Variants in ARHGAP42 observed in about 807,000 individuals in gnomAD.
ARHGAP42 encodes Rho GTPase activating protein 42, also known as rho GTPase-activating protein 42.
A neutral mutation model predicts 125.0 loss-of-function variants in ARHGAP42; 63 were observed. The observed-to-expected ratio is 0.50, with a 90% CI of 0.41 to 0.62. ARHGAP42 has a LOEUF of 0.62. Ranked by LOEUF, ARHGAP42 falls within the 20% of genes least tolerant of loss-of-function variation. ARHGAP42 has a pLI of 0.00. For synonymous variants in ARHGAP42, 339 were observed against 351.0 expected (o/e 0.97, Z 0.38); for missense variants, 766 against 1,024.2 (o/e 0.75, Z 3.44).
rs1297592160 is a variant in ARHGAP42 at position 100,690,772 on chromosome 11, A to AT, written c.154+2949dup. ...CCACCACACCTGGCTAATATTTTGT[A>AT]TTTTTTTTTAGTAGAGATGGGGTTT... On this transcript the variant is annotated intron_variant, in intron 1 of 23. Coordinates refer to ENST00000298815, the MANE Select transcript of ARHGAP42 (RefSeq NM_152432.4). Among the ~76,000 whole-genome samples, 90 of 149,612 alleles carry AT rather than the reference A, an allele frequency of 6.0e-4. 1 individual carries two copies. The highest frequency in any genetic ancestry group is 1.1e-3 in the South Asian group (5 of 4,708).
At position 100,974,585 on chromosome 11, in the gene ARHGAP42, T is replaced by C; in HGVS notation, c.1837T>C (p.Cys613Arg). 1 of 1,550,522 alleles carries C rather than the reference T, an allele frequency of 6.4e-7. No homozygotes were observed. Among genetic ancestry groups the C allele is most frequent in the East Asian group, 2.4e-5 (1 of 40,902 alleles). The change falls in exon 19 of 24, where the codon TGC becomes CGC. Residue 613 changes from cysteine (C) to arginine (R), a missense_variant. Around this residue, in one of 3 missense-constraint regions of ARHGAP42, gnomAD observed 308 missense variants for 369.7 expected, o/e 0.83. Coordinates refer to ENST00000298815, the MANE Select transcript of ARHGAP42 (RefSeq NM_152432.4). ...SRKPRGRYTP[C>R]LAEPDSDSYS... Reference sequence around the variant, plus strand: ...GAAGCCCAGAGGGAGGTATACTCCATGCCTGGCCGAACCTGATAGTAAGTG... The same window carrying C: ...GAAGCCCAGAGGGAGGTATACTCCACGCCTGGCCGAACCTGATAGTAAGTG...
Position 100,914,446 on chromosome 11 carries a change from C to A in ARHGAP42, c.486+893C>A, listed in dbSNP as rs73578172. Among the ~76,000 whole-genome samples, 1,407 of 151,760 alleles carry A rather than the reference C, an allele frequency of 9.3e-3. 21 individuals carry two copies. The highest frequency in any genetic ancestry group is 0.031 in the African/African-American group (1,290 of 41,500). On this transcript the variant is annotated intron_variant, in intron 5 of 23. Coordinates refer to ENST00000298815, the MANE Select transcript of ARHGAP42 (RefSeq NM_152432.4). Reference sequence around the variant, plus strand: ...AATAATGTAGTTCCAATTTCAGTGACAAAGTGTGTCCAAAAAAAATAAATA... The same window carrying A: ...AATAATGTAGTTCCAATTTCAGTGAAAAAGTGTGTCCAAAAAAAATAAATA...
chr11:100,734,184 C>T (rs371203069), intron 1 of ARHGAP42, among the ~76,000 whole-genome samples: 11 of 151,802 alleles, frequency 7.2e-5, no homozygotes, highest in East Asian at 3.9e-4. Flanking sequence ...CCGCCCACCT[C>T]GGCCTCCCAA....
chr11:100,975,264 A>G (rs1346754428), intron 19 of ARHGAP42, among the ~76,000 whole-genome samples: 1 of 152,112 alleles, frequency 6.6e-6, no homozygotes, highest in African/African-American at 2.4e-5. Context: ...GGAGACGGAT[A>G]CTCCATTACC....
intron 1 of ARHGAP42, among the ~76,000 whole-genome samples, chr11:100,717,856 G>T (rs1220794198): frequency 1.3e-5 from 2 of 151,260 alleles, no homozygotes; most frequent in Non-Finnish European, 2.9e-5. Context: ...AACCCAGGAG[G>T]CGGAGGTTGC....
At chr11:100,854,219 A>G (rs1430363372) in intron 3 of ARHGAP42, among the ~76,000 whole-genome samples, 1 of 152,204 alleles carries the variant, frequency 6.6e-6, no homozygotes, top group Non-Finnish European at 1.5e-5. Context: ...GAGGCTATTC[A>G]TATAGCACAA....
chr11:100,758,312 T>C (rs1862622621), intron 1 of ARHGAP42, among the ~76,000 whole-genome samples: 1 of 152,238 alleles, frequency 6.6e-6, no homozygotes, highest in Admixed American at 6.5e-5. Context: ...AATGCAGATA[T>C]CTATTAACTA....
chr11:100,703,818 A>G (rs1861436215), intron 1 of ARHGAP42, among the ~76,000 whole-genome samples: 1 of 152,222 alleles, frequency 6.6e-6, no homozygotes, highest in South Asian at 2.1e-4. Context: ...AGTGAAATCA[A>G]TAATTCAGCA....
At chr11:100,761,665 A>T (rs1383110406) in intron 1 of ARHGAP42, among the ~76,000 whole-genome samples, 3 of 152,226 alleles carry the variant, frequency 2.0e-5, no homozygotes, top group Non-Finnish European at 4.4e-5. Context: ...TTTGGTCTTC[A>T]TTAGAGGCCA....
intron 23 of ARHGAP42, 148 bp from the exon 24 acceptor site, chr11:100,988,565 C>T: frequency 1.7e-6 from 1 of 578,488 alleles, no homozygotes; most frequent in East Asian, 2.8e-5. Context: ...TGAGCATGCA[C>T]AGTTTCTGGT....
chr11:100,694,931 T>G (rs554639892), intron 1 of ARHGAP42, among the ~76,000 whole-genome samples: 9 of 152,368 alleles, frequency 5.9e-5, no homozygotes, highest in Admixed American at 5.2e-4. Context: ...CTCAGGAGGC[T>G]GAGGCAGGAG....
chr11:100,986,458 G>A (rs1858680734), intron 22 of ARHGAP42: 2 of 194,172 alleles, frequency 1.0e-5, no homozygotes, highest in African/African-American at 2.4e-5. Context: ...GAGACCACCC[G>A]GCACCTGACT....
At position 100,716,882 on chromosome 11, in the gene ARHGAP42, G is replaced by T. The variant is rs538760810; in HGVS notation, c.154+29050G>T. Among the ~76,000 whole-genome samples the T allele has an allele frequency of 1.1e-3, 167 of 152,258 alleles. 1 individual carries two copies. The highest frequency in any genetic ancestry group is 3.9e-3 in the African/African-American group (163 of 41,556). On this transcript the variant is annotated intron_variant, in intron 1 of 23. Transcript: ENST00000298815. ...CAAAAATAAATAATAAATAAGCAAA[G>T]ACCTTGGGTATCAATTCAGAGCCCC...
At chr11:100,893,671 G>A (rs910119448) in intron 4 of ARHGAP42, among the ~76,000 whole-genome samples, 3 of 151,760 alleles carry the variant, frequency 2.0e-5, no homozygotes, top group East Asian at 1.9e-4. Context: ...TGTATCAATC[G>A]GTGTATTAAG....
chr11:100,799,507 C>T (rs186426139), intron 3 of ARHGAP42, among the ~76,000 whole-genome samples: 1 of 152,168 alleles, frequency 6.6e-6, no homozygotes, highest in Admixed American at 6.5e-5. Context: ...GTCTAACTTC[C>T]ACAGGGAGAA....
intron 12 of ARHGAP42, among the ~76,000 whole-genome samples, chr11:100,957,639 C>T (rs1051051989): frequency 6.6e-6 from 1 of 152,076 alleles, no homozygotes; most frequent in Non-Finnish European, 1.5e-5. Flanking sequence ...TATTCTTCCA[C>T]ATCTCTGAAT....
At chr11:100,724,835 TC>T (rs1262767082) in intron 1 of ARHGAP42, among the ~76,000 whole-genome samples, 1 of 104,260 alleles carries the variant, frequency 9.6e-6, no homozygotes, top group Non-Finnish European at 2.0e-5. Flanking sequence ...ACTTTTTATT[TC>T]TTTTTTTTTA....
At chr11:100,766,666 C>A (rs1024732548) in intron 1 of ARHGAP42, among the ~76,000 whole-genome samples, 1 of 152,130 alleles carries the variant, frequency 6.6e-6, no homozygotes, top group Non-Finnish European at 1.5e-5. Flanking sequence ...AAAGCATGAG[C>A]TGGATTCCTC....
intron 4 of ARHGAP42, among the ~76,000 whole-genome samples, chr11:100,868,111 T>C (rs1328254204): frequency 6.6e-6 from 1 of 152,138 alleles, no homozygotes; most frequent in Admixed American, 6.5e-5. Flanking sequence ...AACTTTGAAA[T>C]ATTATGAGAG....
Sources: gnomAD v4.1 joint callset for allele counts (sites outside exome capture counted in the v4.1 genomes callset) on GRCh38, gnomAD v4.1.1 for gene constraint, gnomAD v4.1.1 regional missense constraint, MANE v1.5 for transcripts, NCBI Gene and HGNC (gene_info 2026-07-23, HGNC 2026-07-21) for gene names.